PTPN13: variants seen among roughly 807,000 people sequenced by gnomAD.
PTPN13 encodes the protein protein tyrosine phosphatase non-receptor type 13.
In PTPN13, 191 loss-of-function variants were observed where a neutral mutation model predicts 284.0. The ratio of observed to expected loss-of-function variants is 0.67; its 90% CI spans 0.60 to 0.76. PTPN13 has a LOEUF of 0.76. Among genes scored for constraint, PTPN13 ranks in the 30% least tolerant of loss-of-function variants. PTPN13 has a pLI of 0.00. For synonymous variants in PTPN13, 986 were observed against 1,022.3 expected, an observed-to-expected ratio of 0.96 and a Z score of 0.68; for missense variants, 2,797 against 2,939.9, an observed-to-expected ratio of 0.95 and a Z score of 1.12.
intron 2 of PTPN13, among the ~76,000 whole-genome samples, chr4:86,638,898 A>G (rs1342190923): frequency 1.3e-5 from 2 of 152,236 alleles, no homozygotes; most frequent in Non-Finnish European, 2.9e-5. Context: ...CAGGCAACCT[A>G]CAGAATGGGA....
intron 6 of PTPN13, among the ~76,000 whole-genome samples, chr4:86,699,593 G>A (rs977443667): frequency 1.2e-4 from 18 of 152,158 alleles, no homozygotes; most frequent in Non-Finnish European, 2.2e-4. Context: ...GTGGTGTTGC[G>A]TGTACAAAGT....
chr4:86,750,699 G>A lies in PTPN13; in HGVS notation c.2880G>A (p.Glu960=). The A allele has an allele frequency of 6.2e-7, 1 of 1,613,784 alleles. No individual in the cohort carries two copies. The highest frequency in any genetic ancestry group is 1.3e-5 in the African/African-American group (1 of 75,022). ...AGAAGAATGACAAAGCTTCATGGGA[G>A]GAAAAGCCTAGAGAGATGAGTAAAT... is the stretch of plus-strand genomic sequence containing the variant. ...SKEKNDKASW[E]EKPREMSKSY... is the part of the protein sequence containing the mutation. Residue 960 remains glutamate, a synonymous_variant, in exon 18 of 48, where the codon GAG becomes GAA. Transcript: ENST00000411767.
rs371836523 is a variant in PTPN13 at position 86,700,242 on chromosome 4, T to C, written c.635-999T>C. 1.9e-4 allele frequency among the ~76,000 whole-genome samples: 29 copies of C among 152,318 alleles called. No individual in the cohort carries two copies. The South Asian group carries it at 6.0e-3, about 32-fold the overall frequency. ...AAGCAATTTATTATTATTAAGGTTT[T>C]AGTCATTATTTTATATTGTATAGCA... On this transcript the variant is annotated intron_variant, in intron 6 of 47. Coordinates refer to ENST00000411767, the MANE Select transcript of PTPN13 (RefSeq NM_080683.3).
Position 86,772,932 on chromosome 4 carries a change from GA to G in PTPN13, c.5327del (p.Asn1776IlefsTer10). Reference sequence around the variant, plus strand: ...CTGGACACCTTTGAAAAATGACTTGGAAAATCACCTTGAAGACTTTGAACTG... The same window carrying G: ...CTGGACACCTTTGAAAAATGACTTGGAAATCACCTTGAAGACTTTGAACTG... ...ENWTPLKNDL[E>X]NHLEDFELEV... On this transcript the variant is annotated frameshift_variant, in exon 32 of 48. Transcript: ENST00000411767. LOFTEE classifies it high-confidence loss of function. 1 of 1,603,530 alleles carries G rather than the reference GA, an allele frequency of 6.2e-7. No individual in the cohort carries two copies. The highest frequency in any genetic ancestry group is 1.7e-5 in the Admixed American group (1 of 58,672).
At chr4:86,761,170 A>ATATATATATATATATAT (rs60263343) in intron 23 of PTPN13, among the ~76,000 whole-genome samples, 27 of 144,274 alleles carry the variant, frequency 1.9e-4, no homozygotes, top group Admixed American at 2.8e-4. Context: ...ATATATATAT[A>ATATATATATATATATAT]AACACAACAC....
intron 4 of PTPN13, 142 bp downstream of exon 4, chr4:86,686,917 A>G (rs1729521238): frequency 3.1e-6 from 2 of 637,348 alleles, no homozygotes; most frequent in African/African-American, 3.9e-5. Context: ...GTTTACATTA[A>G]TAATGTCATA....
At chr4:86,652,486 T>A (rs921789424) in intron 2 of PTPN13, among the ~76,000 whole-genome samples, 1 of 152,190 alleles carries the variant, frequency 6.6e-6, no homozygotes, top group Non-Finnish European at 1.5e-5. Flanking sequence ...TCTGGGGAAG[T>A]CTTTATCTCT....
At chr4:86,762,232 C>G (rs547238847) in intron 23 of PTPN13, among the ~76,000 whole-genome samples, 11 of 152,308 alleles carry the variant, frequency 7.2e-5, no homozygotes, top group African/African-American at 2.4e-4. Context: ...CTCAACCTCC[C>G]AAAGTGCCGG....
In PTPN13 at chr4:86,744,980, A is replaced by G. The variant is rs1401099537; in HGVS notation, c.2502A>G (p.Thr834=). 6.4e-7 allele frequency: 1 copy of G among 1,572,410 alleles called. No homozygotes were observed. The highest frequency in any genetic ancestry group is 8.6e-7 in the Non-Finnish European group (1 of 1,157,004). The change falls in exon 17 of 48, where the codon ACA becomes ACG. Residue 834 remains threonine (T), a synonymous_variant. Transcript: ENST00000411767. ...KKISFSKKKI[T]LQNTSDGIKH... is the part of the protein sequence containing the mutation. Reference sequence around the variant, plus strand: ...TAATATTGTAGAAAAAGAAAATCACATTGCAAAATACATCAGATGGAATAA... The same window carrying G: ...TAATATTGTAGAAAAAGAAAATCACGTTGCAAAATACATCAGATGGAATAA...
rs771517771 is a variant in PTPN13 at position 86,758,678 on chromosome 4, G to T, written c.3314G>T (p.Gly1105Val). 6.2e-7 allele frequency: 1 copy of T among 1,609,700 alleles called. No individual in the cohort carries two copies. The highest frequency in any genetic ancestry group is 8.5e-7 in the Non-Finnish European group (1 of 1,176,316). Residue 1105 changes from glycine to valine, a missense_variant and splice_region_variant, in exon 22 of 48, where the codon GGA (glycine) becomes GTA (valine). Gly to Val is a moderately radical substitution (Grantham distance 109, BLOSUM62 -3). Transcript: ENST00000411767. ...CTTTTTAAAATGTGTTATTTTACAG[G>T]ATTTCAAATTATTGGTGGGGAGAAG... ...NLKKDAKYGLGFQIIGGEKMG... is the reference protein window; with the variant it reads ...NLKKDAKYGLVFQIIGGEKMG...
intron 21 of PTPN13, 67 bp downstream of exon 21, chr4:86,758,416 A>T: frequency 1.5e-6 from 2 of 1,329,648 alleles, no homozygotes; most frequent in South Asian, 2.5e-5. Flanking sequence ...TCTATAGCAT[A>T]GCATTGGCAT....
intron 28 of PTPN13, among the ~76,000 whole-genome samples, chr4:86,769,093 T>A (rs1739679419): frequency 6.6e-6 from 1 of 152,154 alleles, no homozygotes; most frequent in African/African-American, 2.4e-5. Context: ...TTTTTAATTA[T>A]TTTCTGGTTA....
chr4:86,783,043 CT>C (rs1056348746), intron 37 of PTPN13, among the ~76,000 whole-genome samples: 11 of 152,164 alleles, frequency 7.2e-5, no homozygotes, highest in African/African-American at 2.7e-4. Flanking sequence ...AAATACAGCG[CT>C]GAGGGATTGC....
At chr4:86,793,414 A>G (rs1427587597) in intron 40 of PTPN13, among the ~76,000 whole-genome samples, 1 of 152,194 alleles carries the variant, frequency 6.6e-6, no homozygotes, top group African/African-American at 2.4e-5. Flanking sequence ...GGGAGACTTT[A>G]ACACCCCACT....
chr4:86,774,616 T>G, intron 33 of PTPN13, 85 bp downstream of exon 33: 1 of 1,263,500 alleles, frequency 7.9e-7, no homozygotes, highest in Non-Finnish European at 1.1e-6. Flanking sequence ...ATTGTAATAC[T>G]GTATTTATCT....
chr4:86,770,008 A>T, intron 29 of PTPN13, 25 bp downstream of exon 29: 1 of 1,612,880 alleles, frequency 6.2e-7, no homozygotes. Context: ...TGTGGAGTAT[A>T]GCATTTTTAA....
chr4:86,784,510 T>C lies in PTPN13; in HGVS notation c.6070T>C (p.Cys2024Arg). The change falls in exon 38 of 48, where the codon TGT becomes CGT. Residue 2024 changes from cysteine to arginine, a missense_variant. Coordinates refer to ENST00000411767, the MANE Select transcript of PTPN13 (RefSeq NM_080683.3). ...INEISYPKGKCSTYQIKGSPN... is the reference protein window; with the variant it reads ...INEISYPKGKRSTYQIKGSPN... Reference sequence around the variant, plus strand: ...TGAAATATCGTACCCCAAAGGAAAATGTTCTACTTATCAGATAAAGGGATC... The same window carrying C: ...TGAAATATCGTACCCCAAAGGAAAACGTTCTACTTATCAGATAAAGGGATC... 6.2e-7 allele frequency: 1 copy of C among 1,608,446 alleles called. No individual in the cohort carries two copies. The highest frequency in any genetic ancestry group is 8.5e-7 in the Non-Finnish European group (1 of 1,178,170).
In PTPN13 at chr4:86,766,497, A is replaced by G. The variant is rs201682103; in HGVS notation, c.4309A>G (p.Thr1437Ala). 40 of 1,609,030 alleles carry G rather than the reference A, an allele frequency of 2.5e-5. No homozygotes were observed. The African/African-American group carries it at 4.8e-4, about 19-fold the overall frequency. The change falls in exon 27 of 48, where the codon ACA becomes GCA. Residue 1437 changes from threonine (T) to alanine (A), a missense_variant. Transcript: ENST00000411767. Reference sequence around the variant, plus strand: ...AGCCACCCATAAGCAAGCTGTGGAAACACTGAGAAATACAGGACAGGTAAC... The same window carrying G: ...AGCCACCCATAAGCAAGCTGTGGAAGCACTGAGAAATACAGGACAGGTAAC... The part of the protein sequence containing the change: ...EGATHKQAVE[T>A]LRNTGQVVHL...
rs776021202 is a variant in PTPN13 at position 86,689,132 on chromosome 4, C to T, written c.488C>T (p.Ala163Val). 1.2e-6 allele frequency: 2 copies of T among 1,613,630 alleles called. No individual in the cohort carries two copies. Among genetic ancestry groups the T allele is most frequent in the East Asian group, 2.2e-5 (1 of 44,864 alleles). The stretch of plus-strand genomic sequence containing the variant: ...GCCCACATTAGGAATAGCAATTGTG[C>T]ACCCTCATTTTCCTACGTGAAACAC... Reference protein sequence around the residue: ...CSAHIRNSNCAPSFSYVKHLV... With the variant: ...CSAHIRNSNCVPSFSYVKHLV... Residue 163 changes from alanine to valine, a missense_variant, in exon 5 of 48, where the codon GCA becomes GTA. Ala to Val is a moderately conservative substitution (Grantham distance 64, BLOSUM62 0). Transcript: ENST00000411767.
Sources: allele counts gnomAD v4.1 joint callset (sites outside exome capture counted in the v4.1 genomes callset), GRCh38; gene constraint gnomAD v4.1.1; transcripts MANE v1.5; gene names NCBI Gene and HGNC (gene_info 2026-07-23, HGNC 2026-07-21).